The following LCLAT1 variants were observed in gnomAD, a reference collection of about 807,000 sequenced individuals.
LCLAT1 encodes the protein lysocardiolipin acyltransferase 1, also known as 1-AGP acyltransferase 8.
Under a neutral mutation model 30.7 loss-of-function variants are expected in LCLAT1, and 11 were observed. The observed-to-expected ratio is 0.36, with a 90% CI of 0.23 to 0.59. LCLAT1 has a LOEUF of 0.59. LCLAT1 is among the 20% of genes least tolerant of loss of function. The probability of loss-of-function intolerance (pLI) is 0.77; values close to 1 mark genes in which losing one functional copy is unlikely to be tolerated. For synonymous variants in LCLAT1, 155 were observed against 151.3 expected, an observed-to-expected ratio of 1.02 and a Z score of -0.18; for missense variants, 402 against 458.6, an observed-to-expected ratio of 0.88 and a Z score of 1.13.
chr2:30,575,805 C>T (rs1283870455), intron 5 of LCLAT1, among the ~76,000 whole-genome samples: 1 of 152,088 alleles, frequency 6.6e-6, no homozygotes, highest in Non-Finnish European at 1.5e-5. Flanking sequence ...CAGTGAGTTT[C>T]AGATTCTAAT....
chr2:30,533,674 T>C (rs1299241525), intron 3 of LCLAT1, among the ~76,000 whole-genome samples: 1 of 152,220 alleles, frequency 6.6e-6, no homozygotes, highest in East Asian at 1.9e-4. Context: ...CATTGACTGA[T>C]TCATTCATAT....
At chr2:30,522,989 A>T (rs1243866845) in intron 1 of LCLAT1, among the ~76,000 whole-genome samples, 1 of 152,076 alleles carries the variant, frequency 6.6e-6, no homozygotes, top group Non-Finnish European at 1.5e-5. Context: ...TTTTTCTGTT[A>T]ATCACATCAA....
chr2:30,453,174 A>C (rs1681647886), intron 1 of LCLAT1, among the ~76,000 whole-genome samples: 1 of 152,162 alleles, frequency 6.6e-6, no homozygotes, highest in African/African-American at 2.4e-5. Context: ...GAACTCATGG[A>C]GCGGGGGATA....
intron 5 of LCLAT1, chr2:30,606,884 ATT>A (rs1667468067): frequency 6.6e-6 from 1 of 152,158 alleles, no homozygotes; most frequent in South Asian, 2.1e-4. Flanking sequence ...ACTAAAACAA[ATT>A]TACAAGAAAA....
chr2:30,616,377 G>C (rs568465266), intron 5 of LCLAT1, among the ~76,000 whole-genome samples: 1 of 152,130 alleles, frequency 6.6e-6, no homozygotes, highest in Non-Finnish European at 1.5e-5. Context: ...TTTTACAGGA[G>C]GAATTGAAGG....
At chr2:30,627,883 CT>C (rs1668589534) in intron 5 of LCLAT1, among the ~76,000 whole-genome samples, 1 of 152,110 alleles carries the variant, frequency 6.6e-6, no homozygotes, top group Non-Finnish European at 1.5e-5. Flanking sequence ...CAGTCAGCAT[CT>C]TATATGCTAA....
Position 30,498,446 on chromosome 2 carries a change from C to T in LCLAT1, c.-4-27141C>T, listed in dbSNP as rs372114014. 1.1e-3 allele frequency among the ~76,000 whole-genome samples: 175 copies of T among 152,296 alleles called. 5 individuals carry two copies. In the South Asian group the frequency reaches 0.035, roughly 30 times the overall value. ...ATAGGTGAAAAGTAAGGGACTAAGG[C>T]ATGCCAAGGAGAGAGAAATGTATCC... On this transcript the variant is annotated intron_variant, in intron 1 of 5. Transcript: ENST00000379509.
chr2:30,569,192 C>T (rs1371178653), intron 5 of LCLAT1, among the ~76,000 whole-genome samples: 2 of 152,110 alleles, frequency 1.3e-5, no homozygotes, highest in Non-Finnish European at 2.9e-5. Flanking sequence ...TTCTTTCAAA[C>T]TGTGTCTATT....
intron 1 of LCLAT1, among the ~76,000 whole-genome samples, chr2:30,473,648 A>G (rs1026159445): frequency 6.6e-6 from 1 of 152,212 alleles, no homozygotes; most frequent in African/African-American, 2.4e-5. Flanking sequence ...AGAGTCTACC[A>G]AAATTATTTT....
chr2:30,576,316 T>C (rs368744508), intron 5 of LCLAT1, among the ~76,000 whole-genome samples: 2 of 152,120 alleles, frequency 1.3e-5, no homozygotes, highest in South Asian at 2.1e-4. Context: ...GTTACATACA[T>C]TGAAATATTT....
At chr2:30,561,832 A>G (rs902693182) in intron 3 of LCLAT1, among the ~76,000 whole-genome samples, 1 of 152,150 alleles carries the variant, frequency 6.6e-6, no homozygotes, top group Non-Finnish European at 1.5e-5. Context: ...TAGGATTGTT[A>G]AAATTTTGGA....
intron 5 of LCLAT1, among the ~76,000 whole-genome samples, chr2:30,611,950 CTG>C (rs1368206782): frequency 5.9e-5 from 9 of 151,838 alleles, no homozygotes; most frequent in African/African-American, 2.2e-4. Context: ...AATGCCAGCT[CTG>C]TGAAATTTTT....
chr2:30,548,619 C>T lies in LCLAT1; in HGVS notation c.365-13527C>T, dbSNP rs1190738655. Among the ~76,000 whole-genome samples, 8 of 152,126 alleles carry T rather than the reference C, an allele frequency of 5.3e-5. No individual in the cohort carries two copies. In the South Asian group the frequency reaches 1.5e-3, roughly 28 times the overall value. ...AGAGAGAGCAGGTTGTAAAATGTTT[C>T]TTATCAGATTTAAAAGGGTGTCTGG... On this transcript the variant is annotated intron_variant, in intron 3 of 5. Transcript: ENST00000379509.
chr2:30,627,151 T>C lies in LCLAT1; in HGVS notation c.629-12966T>C, dbSNP rs987520120. Among the ~76,000 whole-genome samples the C allele has an allele frequency of 6.6e-5, 10 of 152,292 alleles. No homozygotes were observed. The East Asian group carries it at 1.5e-3, about 24-fold the overall frequency. On this transcript the variant is annotated intron_variant, in intron 5 of 5. Transcript: ENST00000379509. ...CAAAGAACAGCAAAAGTGAGACTTA[T>C]TTTAATAGCGATCTTGCAAGATGGG...
chr2:30,535,278 A>G (rs1382540307), intron 3 of LCLAT1, among the ~76,000 whole-genome samples: 1 of 152,216 alleles, frequency 6.6e-6, no homozygotes, highest in Non-Finnish European at 1.5e-5. Context: ...ATGAAGAGAA[A>G]TAAATTCCAA....
chr2:30,554,710 T>C (rs771314123), intron 3 of LCLAT1, among the ~76,000 whole-genome samples: 3 of 152,194 alleles, frequency 2.0e-5, no homozygotes, highest in African/African-American at 4.8e-5. Flanking sequence ...AAATGGCTGC[T>C]ATGAAAAAGA....
intron 3 of LCLAT1, among the ~76,000 whole-genome samples, chr2:30,558,563 A>G (rs373972406): frequency 1.4e-4 from 20 of 142,832 alleles, no homozygotes; most frequent in African/African-American, 5.0e-4. Context: ...ACACCACTGC[A>G]CTCCAGCTTG....
chr2:30,518,845 A>G (rs1365534697), intron 1 of LCLAT1, among the ~76,000 whole-genome samples: 2 of 152,184 alleles, frequency 1.3e-5, no homozygotes, highest in East Asian at 1.9e-4. Flanking sequence ...TTTTACCCCA[A>G]GGGTTCAGGG....
At chr2:30,607,800 G>A (rs1667524645) in intron 5 of LCLAT1, 1 of 151,730 alleles carries the variant, frequency 6.6e-6, no homozygotes, top group African/African-American at 2.4e-5. Flanking sequence ...AGATGTGGAG[G>A]TGAAGACAGT....
Sources: allele counts gnomAD v4.1 joint callset (sites outside exome capture counted in the v4.1 genomes callset), GRCh38; gene constraint gnomAD v4.1.1; transcripts MANE v1.5; gene names NCBI Gene and HGNC (gene_info 2026-07-23, HGNC 2026-07-21).